The following LIMCH1 variants were observed in gnomAD, a reference collection of about 807,000 sequenced individuals.
LIMCH1 encodes LIM and calponin homology domains-containing protein 1.
In LIMCH1, 113 loss-of-function variants were observed where a neutral mutation model predicts 176.5. The observed-to-expected ratio is 0.64, with a 90% CI of 0.55 to 0.75. The LOEUF is 0.75. LIMCH1 is among the 30% of genes least tolerant of loss of function. LIMCH1 has a pLI of 0.00. For missense variants in LIMCH1, 1,674 were observed against 1,814.9 expected (o/e 0.92, Z 1.41); for synonymous variants, 619 against 645.9 (o/e 0.96, Z 0.63).
chr4:41,550,602 G>A (rs2080260291), intron 1 of LIMCH1, among the ~76,000 whole-genome samples: 2 of 152,116 alleles, frequency 1.3e-5, no homozygotes, highest in Admixed American at 1.3e-4. Flanking sequence ...GCCAGATGAA[G>A]AACAGAAACA....
intron 1 of LIMCH1, among the ~76,000 whole-genome samples, chr4:41,593,930 CCTCT>C (rs200079071): frequency 6.6e-6 from 1 of 151,812 alleles, no homozygotes; most frequent in African/African-American, 2.4e-5. Flanking sequence ...ATACTCGCAA[CCTCT>C]CTCTCTCTCC....
At chr4:41,608,549 A>G (rs1377592824) in intron 4 of LIMCH1, among the ~76,000 whole-genome samples, 1 of 152,216 alleles carries the variant, frequency 6.6e-6, no homozygotes, top group Non-Finnish European at 1.5e-5. Context: ...AGTGGGTGAA[A>G]TGTGCATAAA....
chr4:41,570,983 C>T (rs1385871254), intron 1 of LIMCH1, among the ~76,000 whole-genome samples: 2 of 151,966 alleles, frequency 1.3e-5, no homozygotes, highest in Non-Finnish European at 2.9e-5. Flanking sequence ...GAAAAGTGTC[C>T]CTTGGATTAG....
At chr4:41,619,522 TA>T in intron 6 of LIMCH1, 82 bp downstream of exon 6, 1 of 1,543,986 alleles carries the variant, frequency 6.5e-7, no homozygotes, top group East Asian at 2.3e-5. Context: ...GGAACGAGGT[TA>T]AATGACCAAT....
intron 18 of LIMCH1, among the ~76,000 whole-genome samples, chr4:41,656,543 T>C (rs1039290699): frequency 6.6e-6 from 1 of 151,916 alleles, no homozygotes; most frequent in Admixed American, 6.6e-5. Flanking sequence ...ATTTGAAAAG[T>C]TTAGTACAAA....
At chr4:41,563,249 T>C (rs540360507) in intron 1 of LIMCH1, among the ~76,000 whole-genome samples, 3 of 152,274 alleles carry the variant, frequency 2.0e-5, no homozygotes, top group South Asian at 4.2e-4. Context: ...GATGGTAATA[T>C]ATTCAAGAGA....
chr4:41,637,474 G>A (rs1435077756), intron 13 of LIMCH1, among the ~76,000 whole-genome samples: 2 of 152,162 alleles, frequency 1.3e-5, no homozygotes, highest in African/African-American at 4.8e-5. Flanking sequence ...ACAAGCATGA[G>A]CCACCACGCC....
chr4:41,399,822 T>A (rs1437566803), intron 1 of LIMCH1, among the ~76,000 whole-genome samples: 1 of 148,218 alleles, frequency 6.7e-6, no homozygotes, highest in South Asian at 2.2e-4. Context: ...GCTGGGAGTG[T>A]GCCACCATGC....
At chr4:41,490,280 T>C (rs2070536380) in intron 1 of LIMCH1, among the ~76,000 whole-genome samples, 1 of 150,988 alleles carries the variant, frequency 6.6e-6, no homozygotes, top group Non-Finnish European at 1.5e-5. Flanking sequence ...TCCCTTTCTT[T>C]TTTTTTTTTT....
chr4:41,419,123 G>A (rs567524183), intron 1 of LIMCH1, among the ~76,000 whole-genome samples: 3 of 146,798 alleles, frequency 2.0e-5, no homozygotes, highest in African/African-American at 7.6e-5. Flanking sequence ...ACTACGTTTT[G>A]TTTTATTTTA....
chr4:41,380,481 T>C (rs1250307693), intron 1 of LIMCH1, among the ~76,000 whole-genome samples: 2 of 152,046 alleles, frequency 1.3e-5, no homozygotes, highest in South Asian at 2.1e-4. Flanking sequence ...TTCTTTCTTT[T>C]TTTTTTTTTA....
intron 2 of LIMCH1, among the ~76,000 whole-genome samples, chr4:41,601,064 C>T (rs1472644524): frequency 6.6e-6 from 1 of 151,842 alleles, no homozygotes; most frequent in East Asian, 1.9e-4. Context: ...CTCTTATTTT[C>T]TTTAGGCAAT....
intron 1 of LIMCH1, among the ~76,000 whole-genome samples, chr4:41,581,479 A>C (rs1316569818): frequency 1.3e-5 from 2 of 151,494 alleles, no homozygotes; most frequent in Non-Finnish European, 2.9e-5. Context: ...CCCCAATTCT[A>C]CTCTCTGCTT....
chr4:41,396,843 A>G (rs1052774953), intron 1 of LIMCH1, among the ~76,000 whole-genome samples: 15 of 152,062 alleles, frequency 9.9e-5, no homozygotes, highest in African/African-American at 2.7e-4. Context: ...AGAGGTTGCA[A>G]TGAGCCAAGT....
chr4:41,636,098 G>T (rs758303570), intron 13 of LIMCH1, among the ~76,000 whole-genome samples: 1 of 151,844 alleles, frequency 6.6e-6, no homozygotes, highest in Non-Finnish European at 1.5e-5. Context: ...TTTTGTAGAG[G>T]CAGAGTCTCA....
At chr4:41,524,787 G>T (rs182826582) in intron 3 of LIMCH1, among the ~76,000 whole-genome samples, 2 of 152,176 alleles carry the variant, frequency 1.3e-5, no homozygotes, top group Non-Finnish European at 2.9e-5. Flanking sequence ...TTTTAATTAC[G>T]TTTTCTCATT....
intron 1 of LIMCH1, among the ~76,000 whole-genome samples, chr4:41,362,374 C>A (rs1413099417): frequency 2.6e-5 from 4 of 152,162 alleles, no homozygotes; most frequent in Non-Finnish European, 5.9e-5. Context: ...AACGGTTTGG[C>A]GTGTGACAGG....
intron 1 of LIMCH1, among the ~76,000 whole-genome samples, chr4:41,417,962 A>G (rs1362368757): frequency 6.6e-6 from 1 of 152,248 alleles, no homozygotes; most frequent in Non-Finnish European, 1.5e-5. Flanking sequence ...TAGCCAAGAA[A>G]TGAAATGTTA....
At chr4:41,427,296 AG>A (rs2154134164) in intron 1 of LIMCH1, among the ~76,000 whole-genome samples, 1 of 152,328 alleles carries the variant, frequency 6.6e-6, no homozygotes, top group African/African-American at 2.4e-5. Flanking sequence ...TCTGACTCCA[AG>A]GAAGGCCATA....
Sources: allele counts gnomAD v4.1 joint callset (sites outside exome capture counted in the v4.1 genomes callset), GRCh38; gene constraint gnomAD v4.1.1; transcripts MANE v1.5; gene names NCBI Gene and HGNC (gene_info 2026-07-23, HGNC 2026-07-21).